LRRD1: variants seen among roughly 807,000 people sequenced by gnomAD.
LRRD1 encodes leucine rich repeats and death domain containing 1, also known as leucine-rich repeat and death domain-containing protein 1.
A neutral mutation model predicts 69.5 loss-of-function variants in LRRD1; 49 were observed. That is an observed-to-expected ratio of 0.70 (90% CI 0.56 to 0.89). The LOEUF is 0.89. Ranked by LOEUF, LRRD1 falls within the 40% of genes least tolerant of loss-of-function variation. The pLI is 0.00. For missense variants in LRRD1, 853 were observed against 956.0 expected, an observed-to-expected ratio of 0.89 and a Z score of 1.42; for synonymous variants, 303 against 338.9, an observed-to-expected ratio of 0.89 and a Z score of 1.16.
In LRRD1 at chr7:92,164,635, G is replaced by C. The variant is rs1459900548; in HGVS notation, c.568C>G (p.Leu190Val). Residue 190 changes from leucine to valine, a missense_variant, in exon 2 of 6, where the codon CTT becomes GTT. Coordinates refer to ENST00000458448, the MANE Select transcript of LRRD1 (RefSeq NM_001161528.2). ...TTTTCTTGCAGGGATAGAATTTCAA[G>C]TCCTAACAGATCACCTGAGTCTGCC... ...QGADSGDLLG[L>V]EILSLQENGL... The C allele has an allele frequency of 2.6e-6, 4 of 1,551,828 alleles. No homozygotes were observed. The highest frequency in any genetic ancestry group is 2.6e-6 in the Non-Finnish European group (3 of 1,146,912).
chr7:92,144,308 G>C (rs1820256239), downstream of LRRD1, among the ~76,000 whole-genome samples: 1 of 152,092 alleles, frequency 6.6e-6, no homozygotes, highest in South Asian at 2.1e-4. Flanking sequence ...TTGTATAAAA[G>C]CATTATATAA....
At chr7:92,142,714 G>C (rs145014748), downstream of LRRD1, 266 of 415,552 alleles carry the variant, frequency 6.4e-4, no homozygotes, top group African/African-American at 5.0e-3. Flanking sequence ...TGGCTCAGGA[G>C]TGAAGCTGCA....
intron 1 of LRRD1, among the ~76,000 whole-genome samples, chr7:92,166,263 A>G (rs1395533014): frequency 6.6e-6 from 1 of 152,120 alleles, no homozygotes; most frequent in Non-Finnish European, 1.5e-5. Flanking sequence ...GTTGGTAGCT[A>G]CTTCCTATGT....
At chr7:92,162,891 A>G (rs966215902) in intron 2 of LRRD1, among the ~76,000 whole-genome samples, 2 of 152,206 alleles carry the variant, frequency 1.3e-5, no homozygotes, top group East Asian at 1.9e-4. Flanking sequence ...AGTTGTGTCA[A>G]CGTATGCCCG....
At chr7:92,145,336 T>C (rs1012574771) in intron 5 of LRRD1, among the ~76,000 whole-genome samples, 3 of 151,882 alleles carry the variant, frequency 2.0e-5, no homozygotes, top group South Asian at 2.1e-4. Context: ...TGTACCCTTA[T>C]AGAAAATCAG....
intron 1 of LRRD1, among the ~76,000 whole-genome samples, chr7:92,166,562 C>A (rs1788915616): frequency 2.0e-5 from 3 of 152,066 alleles, no homozygotes; most frequent in Admixed American, 6.5e-5. Context: ...TATTATAAAG[C>A]CATCAATATA....
At chr7:92,152,140 A>AGTGTGTGTGTGTGTGTGTGTGTGT (rs71528038) in intron 3 of LRRD1, among the ~76,000 whole-genome samples, 1 of 142,832 alleles carries the variant, frequency 7.0e-6, no homozygotes, top group African/African-American at 2.6e-5. Context: ...TGCTTCTGGG[A>AGTGTGTGTGTGTGTGTGTGTGTGT]GTGTGTGTGT....
rs1788848566 is a variant in LRRD1, at chr7:92,164,066, A to G, written c.1137T>C (p.Leu379=). ...GTATATTTTTCAATAAATTTTTATCAAGTATAAGAATCCTAAGTTCCCTGA... is the reference window on the plus strand; with the variant it reads ...GTATATTTTTCAATAAATTTTTATCGAGTATAAGAATCCTAAGTTCCCTGA... ...ENFRELRILI[L]DKNLLKNIPE... is the part of the protein sequence containing the mutation. The change falls in exon 2 of 6, where the codon CTT becomes CTC. Residue 379 remains leucine, a synonymous_variant. Coordinates refer to ENST00000458448, the MANE Select transcript of LRRD1 (RefSeq NM_001161528.2). 1 of 1,540,712 alleles carries G rather than the reference A, an allele frequency of 6.5e-7. No homozygotes were observed. Among genetic ancestry groups the G allele is most frequent in the Admixed American group, 2.1e-5 (1 of 48,054 alleles).
Position 92,174,510 on chromosome 7 carries a change from T to TATGTATATATA in LRRD1, c.-75+4496_-75+4497insTATATATACAT, listed in dbSNP as rs1491100533. ...ATATATATATATATATATATATATA[T>TATGTATATATA]TTTTTTTTTTTTTTTTTTTTTTTTT... On this transcript the variant is annotated intron_variant, in intron 1 of 5. Coordinates refer to ENST00000458448, the MANE Select transcript of LRRD1 (RefSeq NM_001161528.2). 4.2e-3 allele frequency among the ~76,000 whole-genome samples: 53 copies of TATGTATATATA among 12,590 alleles called. 1 individual carries two copies. Among genetic ancestry groups the TATGTATATATA allele is most frequent in the South Asian group, 7.6e-3 (2 of 264 alleles). 8.3% of individuals were successfully genotyped at this position (12,590 alleles called of 152,430 possible).
rs964552391 is a variant in LRRD1, at chr7:92,164,670, G to A, written c.533C>T (p.Thr178Ile). ...ATCACCTGAGTCTGCCCCTTGAAAT[G>A]TTTTGATTTGATTCTTGTCTAAATA... ...YLYLDKNQIKTFQGADSGDLL... is the reference protein window; with the variant it reads ...YLYLDKNQIKIFQGADSGDLL... Residue 178 changes from threonine (T) to isoleucine (I), a missense_variant, in exon 2 of 6, where the codon ACA (threonine) becomes ATA (isoleucine). By Grantham distance (89) the Thr-to-Ile change is moderately conservative (BLOSUM62 -1). This residue lies in a region of LRRD1 where 739 missense variants were observed against 808.0 expected (regional missense o/e 0.91). Coordinates refer to ENST00000458448, the MANE Select transcript of LRRD1 (RefSeq NM_001161528.2). The A allele has an allele frequency of 5.2e-5, 81 of 1,551,388 alleles. No individual in the cohort carries two copies. Among genetic ancestry groups the A allele is most frequent in the Non-Finnish European group, 6.6e-5 (76 of 1,146,856 alleles).
intron 1 of LRRD1, among the ~76,000 whole-genome samples, chr7:92,174,699 G>A (rs1382659337): frequency 2.7e-5 from 4 of 146,900 alleles, no homozygotes; most frequent in African/African-American, 1.0e-4. Flanking sequence ...GTAGAGATGG[G>A]GTTTCACCAT....
At position 92,144,901 on chromosome 7, in the gene LRRD1, G is replaced by A; in HGVS notation, c.2570C>T (p.Ala857Val). 6.7e-7 allele frequency: 1 copy of A among 1,487,256 alleles called. No homozygotes were observed. Among genetic ancestry groups the A allele is most frequent in the Non-Finnish European group, 9.0e-7 (1 of 1,109,940 alleles). 92.1% of individuals were successfully genotyped at this position (1,487,256 alleles called of 1,614,324 possible). ...TTGATCCACTGGTTAGAATTTAATTGCACGCGTAAAAAGATTTAAAGCTGT... is the reference window on the plus strand; with the variant it reads ...TTGATCCACTGGTTAGAATTTAATTACACGCGTAAAAAGATTTAAAGCTGT... ...KITALNLFTRAIKF is the reference protein window; with the variant it reads ...KITALNLFTRVIKF Residue 857 changes from alanine to valine, a missense_variant, in exon 6 of 6, where the codon GCA becomes GTA. Physicochemically the swap from Ala to Val is moderately conservative, Grantham distance 64 (BLOSUM62 0). This residue lies in a region of LRRD1 where 739 missense variants were observed against 808.0 expected (regional missense o/e 0.91). Coordinates refer to ENST00000458448, the MANE Select transcript of LRRD1 (RefSeq NM_001161528.2).
chr7:92,145,717 G>C, intron 5 of LRRD1, among the ~76,000 whole-genome samples: 1 of 152,156 alleles, frequency 6.6e-6, no homozygotes. Flanking sequence ...GGGATTACAG[G>C]TGTGAGCCAC....
downstream of LRRD1, among the ~76,000 whole-genome samples, chr7:92,143,393 G>T (rs1283475547): frequency 1.4e-5 from 2 of 144,104 alleles, no homozygotes; most frequent in Admixed American, 1.4e-4. Context: ...TTGGATGGTC[G>T]ATGGGTCTGG....
At chr7:92,157,816 A>G (rs1034593469) in intron 3 of LRRD1, among the ~76,000 whole-genome samples, 1 of 151,696 alleles carries the variant, frequency 6.6e-6, no homozygotes, top group African/African-American at 2.4e-5. Context: ...ACCTCAAGCA[A>G]TCCGCCCCCC....
intron 4 of LRRD1, among the ~76,000 whole-genome samples, chr7:92,150,287 G>C (rs1223208314): frequency 6.6e-6 from 1 of 152,006 alleles, no homozygotes; most frequent in Non-Finnish European, 1.5e-5. Flanking sequence ...AACACAGTGA[G>C]ACCCTGTCTC....
At chr7:92,153,973 A>C (rs1055946877) in intron 3 of LRRD1, among the ~76,000 whole-genome samples, 1 of 147,806 alleles carries the variant, frequency 6.8e-6, no homozygotes, top group Non-Finnish European at 1.5e-5. Flanking sequence ...AGTAGCTGGG[A>C]TTACAGGCGC....
At chr7:92,146,907 A>G (rs1820340882) in intron 4 of LRRD1, among the ~76,000 whole-genome samples, 1 of 150,832 alleles carries the variant, frequency 6.6e-6, no homozygotes, top group South Asian at 2.1e-4. Context: ...GGGCAACAAG[A>G]GTGAAACTCC....
chr7:92,172,351 G>A (rs2131022221), intron 1 of LRRD1, among the ~76,000 whole-genome samples: 1 of 152,186 alleles, frequency 6.6e-6, no homozygotes, highest in African/African-American at 2.4e-5. Context: ...ACATAATTAG[G>A]CAAGAGGAAG....
Sources: allele counts gnomAD v4.1 joint callset (sites outside exome capture counted in the v4.1 genomes callset), GRCh38; gene constraint gnomAD v4.1.1; regional missense constraint gnomAD v4.1.1; transcripts MANE v1.5; gene names NCBI Gene and HGNC (gene_info 2026-07-23, HGNC 2026-07-21).